The following FRYL variants were observed in gnomAD, a reference collection of about 807,000 sequenced individuals.
FRYL encodes FRY like transcription coactivator.
FRYL carries 150 observed loss-of-function variants against 351.2 expected under a neutral mutation model. The observed-to-expected ratio is 0.43, with a 90% CI of 0.37 to 0.49. FRYL has a LOEUF of 0.49. FRYL is among the 20% of genes least tolerant of loss of function. The probability of loss-of-function intolerance (pLI) is 0.00; values close to 1 mark genes in which losing one functional copy is unlikely to be tolerated. For synonymous variants in FRYL, 1,153 were observed against 1,257.1 expected (o/e 0.92, Z 1.75); for missense variants, 3,036 against 3,619.3 (o/e 0.84, Z 4.13).
At chr4:48,563,871 T>G in intron 31 of FRYL, 77 bp downstream of exon 31, 1 of 1,492,718 alleles carries the variant, frequency 6.7e-7, no homozygotes, top group South Asian at 1.3e-5. Flanking sequence ...GGTGTCTTCC[T>G]ATTTTTGAAT....
At chr4:48,731,726 G>A (rs1221802077) in intron 1 of FRYL, among the ~76,000 whole-genome samples, 5 of 152,160 alleles carry the variant, frequency 3.3e-5, no homozygotes, top group African/African-American at 9.7e-5. Context: ...AAACTGGCTA[G>A]CCATATGCAG....
intron 3 of FRYL, among the ~76,000 whole-genome samples, chr4:48,663,548 G>T (rs1219471604): frequency 1.3e-5 from 2 of 151,446 alleles, no homozygotes; most frequent in African/African-American, 4.8e-5. Flanking sequence ...AAACTGCAAA[G>T]AATAATTGAG....
At chr4:48,500,278 T>A in intron 62 of FRYL, 58 bp from the exon 63 acceptor site, 1 of 1,116,280 alleles carries the variant, frequency 9.0e-7, no homozygotes. Flanking sequence ...AAACATTTAG[T>A]TGGCTACAAG....
In FRYL at chr4:48,551,483, G is replaced by A; in HGVS notation, c.4520+11C>T. 1 of 1,526,584 alleles carries A rather than the reference G, an allele frequency of 6.6e-7. No individual in the cohort carries two copies. The allele number at this position is 1,526,584 out of a possible 1,614,324, so 94.6% of individuals were successfully genotyped here. A position where few individuals can be genotyped will look rare whatever the true frequency, so the allele number is the denominator to read the frequency against. ...AACTGAAAGGCTAATACAGAACAGA[G>A]AAGTACTTACCTCTCTTCAATATTC... On this transcript the variant is annotated intron_variant, in intron 37 of 63. Coordinates refer to ENST00000358350, the MANE Select transcript of FRYL (RefSeq NM_015030.2).
At chr4:48,713,814 A>C (rs1450822804) in intron 1 of FRYL, among the ~76,000 whole-genome samples, 5 of 152,210 alleles carry the variant, frequency 3.3e-5, no homozygotes, top group Non-Finnish European at 7.3e-5. Flanking sequence ...TCAACAGAAT[A>C]TACATTTTTT....
At chr4:48,693,466 G>A (rs186979000) in intron 2 of FRYL, among the ~76,000 whole-genome samples, 53 of 152,136 alleles carry the variant, frequency 3.5e-4, no homozygotes, top group African/African-American at 1.2e-3. Flanking sequence ...GGGCACCTGA[G>A]CATTTATTCT....
At chr4:48,737,730 T>C (rs1771605106) in intron 1 of FRYL, among the ~76,000 whole-genome samples, 1 of 152,104 alleles carries the variant, frequency 6.6e-6, no homozygotes, top group Non-Finnish European at 1.5e-5. Context: ...CAACAAAATA[T>C]GAGTATACTA....
chr4:48,565,118 A>C, intron 29 of FRYL, 75 bp from the exon 30 acceptor site: 1 of 745,300 alleles, frequency 1.3e-6, no homozygotes, highest in Non-Finnish European at 2.2e-6. Flanking sequence ...GAGAAGAGGC[A>C]AAATACTTAT....
intron 7 of FRYL, among the ~76,000 whole-genome samples, chr4:48,610,262 A>C (rs1164963066): frequency 6.6e-6 from 1 of 152,150 alleles, no homozygotes; most frequent in Non-Finnish European, 1.5e-5. Context: ...ATCTTAAACT[A>C]TTTATAGACT....
Position 48,565,620 on chromosome 4 carries a change from C to T in FRYL, c.3241G>A (p.Ala1081Thr). The T allele has an allele frequency of 6.2e-7, 1 of 1,613,822 alleles. No homozygotes were observed. The highest frequency in any genetic ancestry group is 8.5e-7 in the Non-Finnish European group (1 of 1,179,894). Reference sequence around the variant, plus strand: ...GTAAACATGATGCTAAAAGGACCTGCCCAGTGACTGAACAGCATAAATAGA... The same window carrying T: ...GTAAACATGATGCTAAAAGGACCTGTCCAGTGACTGAACAGCATAAATAGA... ...HSLFMLFSHW[A>T]GPFSIMFTPL... The change falls in exon 29 of 64, where the codon GCA becomes ACA. Residue 1081 changes from alanine (A) to threonine (T), a missense_variant. Physicochemically the swap from Ala to Thr is moderately conservative, Grantham distance 58. Around this residue, in one of 7 missense-constraint regions of FRYL, gnomAD observed 1,987 missense variants for 2,311.7 expected, o/e 0.86. Transcript: ENST00000358350.
intron 1 of FRYL, among the ~76,000 whole-genome samples, chr4:48,732,913 T>A: frequency 7.4e-6 from 1 of 134,568 alleles, no homozygotes; most frequent in East Asian, 2.1e-4. Flanking sequence ...AACCCAGAAT[T>A]TGAAGTATAA....
At chr4:48,682,787 T>TA (rs1553975465) in intron 3 of FRYL, among the ~76,000 whole-genome samples, 1 of 152,160 alleles carries the variant, frequency 6.6e-6, no homozygotes, top group Non-Finnish European at 1.5e-5. Flanking sequence ...GGAGAGGATA[T>TA]AGAGAAATAG....
At position 48,512,582 on chromosome 4, in the gene FRYL, C is replaced by T. The variant is rs1175489572; in HGVS notation, c.8044G>A (p.Asp2682Asn). 1 of 1,614,042 alleles carries T rather than the reference C, an allele frequency of 6.2e-7. No individual in the cohort carries two copies. Among genetic ancestry groups the T allele is most frequent in the Admixed American group, 1.7e-5 (1 of 60,002 alleles). ...IAAFQPVAYDDEEEAWRCHVN... is the reference protein window; with the variant it reads ...IAAFQPVAYDNEEEAWRCHVN... The stretch of plus-strand genomic sequence containing the variant: ...TGGCAGCGCCAGGCTTCCTCTTCAT[C>T]ATCATATGCCACGGGCTGAAAGGCG... Residue 2682 changes from aspartate (D) to asparagine (N), a missense_variant, in exon 57 of 64, where the codon GAT becomes AAT. Physicochemically the swap from Asp to Asn is conservative, Grantham distance 23 (BLOSUM62 1). Transcript: ENST00000358350.
chr4:48,551,598 A>G lies in FRYL; in HGVS notation c.4436-20T>C, dbSNP rs1732758606. The G allele has an allele frequency of 7.3e-6, 11 of 1,500,672 alleles. No homozygotes were observed. The East Asian group carries it at 1.8e-4, about 25-fold the overall frequency. The allele number at this position is 1,500,672 out of a possible 1,614,324, so 93.0% of individuals were successfully genotyped here. ...TAGTTCCTGTAATCAAAGACAAAGC[A>G]GTACTCGTGAATCTACAAACCTGGA... is the stretch of plus-strand genomic sequence containing the variant. On this transcript the variant is annotated intron_variant, in intron 36 of 63. Coordinates refer to ENST00000358350, the MANE Select transcript of FRYL (RefSeq NM_015030.2).
chr4:48,770,084 C>T (rs1192489759), intron 1 of FRYL, among the ~76,000 whole-genome samples: 2 of 152,070 alleles, frequency 1.3e-5, no homozygotes, highest in Non-Finnish European at 2.9e-5. Flanking sequence ...CACGCATATA[C>T]ATACAAATGA....
chr4:48,689,447 A>G (rs188502336), intron 2 of FRYL, among the ~76,000 whole-genome samples: 3 of 152,204 alleles, frequency 2.0e-5, no homozygotes, highest in African/African-American at 7.2e-5. Context: ...CTACATCTAG[A>G]GTTAAGTACC....
chr4:48,669,597 T>G (rs957447237), intron 3 of FRYL, among the ~76,000 whole-genome samples: 1 of 148,854 alleles, frequency 6.7e-6, no homozygotes, highest in Non-Finnish European at 1.5e-5. Context: ...TAAAATTATA[T>G]TAAAGGGATA....
intron 1 of FRYL, among the ~76,000 whole-genome samples, chr4:48,763,489 A>C (rs1345927970): frequency 1.3e-5 from 2 of 152,200 alleles, no homozygotes; most frequent in Non-Finnish European, 2.9e-5. Context: ...AAAAAAAGTC[A>C]CATCAGACCT....
At chr4:48,652,386 C>A (rs145594716) in intron 3 of FRYL, among the ~76,000 whole-genome samples, 1,837 of 152,308 alleles carry the variant, frequency 0.012, 12 homozygotes, top group Non-Finnish European at 0.02. Flanking sequence ...AAGCTACAGT[C>A]CAGTTTACTT....
Sources: allele counts gnomAD v4.1 joint callset (sites outside exome capture counted in the v4.1 genomes callset), GRCh38; gene constraint gnomAD v4.1.1; regional missense constraint gnomAD v4.1.1; transcripts MANE v1.5; gene names NCBI Gene and HGNC (gene_info 2026-07-23, HGNC 2026-07-21).